Variants in FRMD6 observed in about 807,000 individuals in gnomAD.
FRMD6 encodes FERM domain containing 6.
FRMD6 carries 37 observed loss-of-function variants against 73.2 expected under a neutral mutation model. The ratio of observed to expected loss-of-function variants is 0.51; its 90% CI spans 0.39 to 0.66. The LOEUF (loss-of-function observed/expected upper bound fraction) is 0.66, where lower values mean the gene tolerates loss of function less well. FRMD6 is among the 30% of genes least tolerant of loss of function. The pLI is 0.00. For missense variants in FRMD6, 714 were observed against 780.5 expected (o/e 0.91, Z 1.02); for synonymous variants, 273 against 282.2 (o/e 0.97, Z 0.33).
intron 2 of FRMD6, chr14:51,575,624 T>G (rs1888358804): frequency 6.6e-6 from 1 of 152,290 alleles, no homozygotes. Flanking sequence ...AGAGATTTTT[T>G]TTCTTCTTCG....
upstream of FRMD6, chr14:51,651,194 G>C (rs999043096): frequency 3.3e-5 from 5 of 152,410 alleles, no homozygotes; most frequent in African/African-American, 1.2e-4. Flanking sequence ...AACCACAGCA[G>C]ACAGAGGCTG....
At chr14:51,586,539 T>C (rs1889060261) in intron 2 of FRMD6, among the ~76,000 whole-genome samples, 1 of 152,164 alleles carries the variant, frequency 6.6e-6, no homozygotes, top group Admixed American at 6.5e-5. Flanking sequence ...TCTACTCTCT[T>C]GATTGTTTCT....
In FRMD6 at chr14:51,711,533, T is replaced by C. The variant is rs141951672; in HGVS notation, c.717T>C (p.Asp239=). 63 of 1,597,020 alleles carry C rather than the reference T, an allele frequency of 3.9e-5. No homozygotes were observed. The African/African-American group carries it at 8.3e-4, about 21-fold the overall frequency. The change falls in exon 8 of 14, where the codon GAT becomes GAC. Residue 239 remains aspartate (D), a splice_region_variant and synonymous_variant. Transcript: ENST00000344768. ...TTTATAAAATCCTATTCCTACAGGATAAAAGGGAAATTGAAGCATCGCTGA... is the reference window on the plus strand; with the variant it reads ...TTTATAAAATCCTATTCCTACAGGACAAAAGGGAAATTGAAGCATCGCTGA... The part of the protein sequence containing the change: ...VAVHYYRLYK[D]KREIEASLTL...
chr14:51,546,396 C>CTTT lies in FRMD6; in HGVS notation c.-209-23944_-209-23942dup, dbSNP rs11413471. ...TCATGTCTCTCAGGAAAGAGAAACT[C>CTTT]TTTTTTTTTTCTTTTTTTAAATAGT... is the stretch of plus-strand genomic sequence containing the variant. On this transcript the variant is annotated intron_variant, in intron 1 of 14. Transcript: ENST00000356218. 4.0e-3 allele frequency among the ~76,000 whole-genome samples: 524 copies of CTTT among 129,408 alleles called. 5 individuals carry two copies. Among genetic ancestry groups the CTTT allele is most frequent in the African/African-American group, 0.013 (443 of 33,372 alleles). The allele number at this position is 129,408 out of a possible 152,430, so 84.9% of individuals were successfully genotyped here.
At chr14:51,591,438 A>G (rs574862234) in intron 2 of FRMD6, among the ~76,000 whole-genome samples, 4 of 152,372 alleles carry the variant, frequency 2.6e-5, no homozygotes, top group South Asian at 4.1e-4. Flanking sequence ...AAGTTGTACA[A>G]TGAAAGATAG....
At chr14:51,500,035 C>G (rs1177477525) in intron 1 of FRMD6, among the ~76,000 whole-genome samples, 2 of 152,152 alleles carry the variant, frequency 1.3e-5, no homozygotes, top group Admixed American at 1.3e-4. Context: ...CCTGCTACAT[C>G]AAGACTTACG....
the FRMD6 span, among the ~76,000 whole-genome samples, chr14:51,443,995 C>T: frequency 7.0e-6 from 1 of 142,050 alleles, no homozygotes; most frequent in East Asian, 2.1e-4. Context: ...ATGGTGCAAT[C>T]TTGGCTCACT....
chr14:51,470,028 T>C, the FRMD6 span, among the ~76,000 whole-genome samples: 1 of 152,216 alleles, frequency 6.6e-6, no homozygotes, highest in East Asian at 1.9e-4. Flanking sequence ...AATTAAGTTG[T>C]ATTTTCCAAG....
chr14:51,641,026 A>C (rs1230050927), intron 2 of FRMD6, among the ~76,000 whole-genome samples: 3 of 151,828 alleles, frequency 2.0e-5, no homozygotes, highest in African/African-American at 7.3e-5. Context: ...GCTGGAGTAC[A>C]GTGGCACGAT....
chr14:51,644,758 C>T (rs1247815180), intron 2 of FRMD6, among the ~76,000 whole-genome samples: 1 of 152,126 alleles, frequency 6.6e-6, no homozygotes, highest in Non-Finnish European at 1.5e-5. Flanking sequence ...CAGAAAATCA[C>T]TAAAAATGCT....
At chr14:51,582,109 T>A (rs113011145) in intron 2 of FRMD6, among the ~76,000 whole-genome samples, 50 of 152,334 alleles carry the variant, frequency 3.3e-4, no homozygotes, top group African/African-American at 1.2e-3. Context: ...TGTGACTACG[T>A]CATACATACT....
chr14:51,572,146 A>G (rs1888167183), intron 2 of FRMD6, among the ~76,000 whole-genome samples: 1 of 152,230 alleles, frequency 6.6e-6, no homozygotes, highest in South Asian at 2.1e-4. Flanking sequence ...TTCATAGCCT[A>G]TCCATAGTGC....
At chr14:51,603,309 T>G (rs1890114856) in intron 2 of FRMD6, among the ~76,000 whole-genome samples, 1 of 152,342 alleles carries the variant, frequency 6.6e-6, no homozygotes, top group Middle Eastern at 3.4e-3. Flanking sequence ...ACAAGTGGCA[T>G]AAAAACTGTT....
intron 2 of FRMD6, among the ~76,000 whole-genome samples, chr14:51,618,153 G>A (rs1224966163): frequency 6.6e-6 from 1 of 152,094 alleles, no homozygotes; most frequent in Middle Eastern, 3.2e-3. Flanking sequence ...ACTTTCTCTG[G>A]GTACGCTGCA....
chr14:51,571,038 G>A (rs988105363), intron 2 of FRMD6, among the ~76,000 whole-genome samples: 8 of 152,206 alleles, frequency 5.3e-5, no homozygotes, highest in Admixed American at 4.6e-4. Context: ...ATAAATGGGT[G>A]TCCAGCTACT....
chr14:51,590,816 GGTT>G (rs1204663543), intron 2 of FRMD6, among the ~76,000 whole-genome samples: 1 of 152,244 alleles, frequency 6.6e-6, no homozygotes, highest in Non-Finnish European at 1.5e-5. Flanking sequence ...TAATTTAACT[GGTT>G]GGAAGGCATC....
chr14:51,467,414 A>G, the FRMD6 span, among the ~76,000 whole-genome samples: 2 of 152,166 alleles, frequency 1.3e-5, no homozygotes, highest in Non-Finnish European at 2.9e-5. Flanking sequence ...TTTTCCCCAC[A>G]CTTCCTCCCT....
At chr14:51,587,635 G>A (rs1443094697) in intron 2 of FRMD6, among the ~76,000 whole-genome samples, 1 of 152,138 alleles carries the variant, frequency 6.6e-6, no homozygotes, top group East Asian at 1.9e-4. Flanking sequence ...CACTGGGATG[G>A]AGATGCTTGC....
At chr14:51,497,477 C>T (rs538584049) in intron 1 of FRMD6, among the ~76,000 whole-genome samples, 1 of 152,122 alleles carries the variant, frequency 6.6e-6, no homozygotes, top group Non-Finnish European at 1.5e-5. Flanking sequence ...GGACAGGCCT[C>T]TCTCTACTAA....
Sources: gnomAD v4.1 joint callset for allele counts (sites outside exome capture counted in the v4.1 genomes callset) on GRCh38, gnomAD v4.1.1 for gene constraint, MANE v1.5 for transcripts, NCBI Gene and HGNC (gene_info 2026-07-23, HGNC 2026-07-21) for gene names.